The following DSCAML1 variants were observed in gnomAD, a reference collection of about 807,000 sequenced individuals.
DSCAML1 encodes cell adhesion molecule DSCAML1.
A neutral mutation model predicts 200.5 loss-of-function variants in DSCAML1; 38 were observed. The ratio of observed to expected loss-of-function variants is 0.19; its 90% CI spans 0.15 to 0.25. The LOEUF (loss-of-function observed/expected upper bound fraction) is 0.25, where lower values mean the gene tolerates loss of function less well. Ranked by LOEUF, DSCAML1 falls within the 10% of genes least tolerant of loss-of-function variation. DSCAML1 has a pLI of 1.00. For synonymous variants in DSCAML1, 1,215 were observed against 1,165.0 expected, an observed-to-expected ratio of 1.04 and a Z score of -0.87; for missense variants, 2,223 against 2,858.8, an observed-to-expected ratio of 0.78 and a Z score of 5.07.
chr11:117,465,213 G>C, intron 16 of DSCAML1, 31 bp from the exon 17 acceptor site: 1 of 1,607,842 alleles, frequency 6.2e-7, no homozygotes, highest in South Asian at 1.1e-5. Flanking sequence ...TGGGCACAAA[G>C]AAATGGCAAC....
intron 14 of DSCAML1, among the ~76,000 whole-genome samples, chr11:117,478,528 C>G (rs976314605): frequency 6.6e-6 from 1 of 152,220 alleles, no homozygotes; most frequent in African/African-American, 2.4e-5. Context: ...TTCTTCCACT[C>G]ACATTCATTC....
chr11:117,523,249 G>A (rs1004663545), intron 5 of DSCAML1, among the ~76,000 whole-genome samples: 1 of 152,118 alleles, frequency 6.6e-6, no homozygotes, highest in African/African-American at 2.4e-5. Context: ...GGATTTGAGG[G>A]TGTGTTGCCC....
rs533948278 is a variant in DSCAML1 at position 117,675,470 on chromosome 11, A to ATTTTTTT, written c.511+101314_511+101320dup. On this transcript the variant is annotated intron_variant, in intron 3 of 32. Transcript: ENST00000651296. ...GTGCCCCTATGCCTGGCTGATTGAA[A>ATTTTTTT]TTTTTTTTTTTTTTTTTTTTTTTTT... 2.2e-3 allele frequency among the ~76,000 whole-genome samples: 216 copies of ATTTTTTT among 96,922 alleles called. 1 individual carries two copies. The highest frequency in any genetic ancestry group is 0.013 in the East Asian group (40 of 3,002). 63.6% of individuals were successfully genotyped at this position (96,922 alleles called of 152,430 possible). A position where few individuals can be genotyped will look rare whatever the true frequency, so the allele number is the denominator to read the frequency against.
At chr11:117,662,296 G>T (rs549238917) in intron 3 of DSCAML1, among the ~76,000 whole-genome samples, 1 of 152,196 alleles carries the variant, frequency 6.6e-6, no homozygotes, top group Non-Finnish European at 1.5e-5. Context: ...CTAGGCAAAC[G>T]CTCCCTTTCA....
intron 3 of DSCAML1, among the ~76,000 whole-genome samples, chr11:117,589,122 G>A (rs879728051): frequency 1.3e-5 from 2 of 152,176 alleles, no homozygotes; most frequent in Non-Finnish European, 2.9e-5. Flanking sequence ...TGGGACTGGT[G>A]GCCTCTTCCT....
At chr11:117,575,959 A>G (rs2050927099) in intron 3 of DSCAML1, among the ~76,000 whole-genome samples, 1 of 152,222 alleles carries the variant, frequency 6.6e-6, no homozygotes, top group Admixed American at 6.5e-5. Context: ...TGCGCTACAG[A>G]ATAGAGAGGA....
intron 3 of DSCAML1, among the ~76,000 whole-genome samples, chr11:117,565,707 T>G (rs578193791): frequency 1.3e-5 from 2 of 152,254 alleles, no homozygotes; most frequent in African/African-American, 4.8e-5. Flanking sequence ...TTTTTGGTGT[T>G]TTTTTCCCCC....
intron 8 of DSCAML1, among the ~76,000 whole-genome samples, chr11:117,511,179 G>A (rs1565752338): frequency 1.3e-5 from 2 of 152,196 alleles, no homozygotes; most frequent in Non-Finnish European, 2.9e-5. Context: ...TAGGGAGGGA[G>A]GAGGGAACAT....
chr11:117,706,854 TCACGAAC>T (rs1171495162), intron 3 of DSCAML1, among the ~76,000 whole-genome samples: 1 of 152,200 alleles, frequency 6.6e-6, no homozygotes, highest in East Asian at 1.9e-4. Flanking sequence ...CTTAAGGAGT[TCACGAAC>T]CACAGGTTAA....
At chr11:117,630,125 G>A (rs1013233579) in intron 3 of DSCAML1, among the ~76,000 whole-genome samples, 2 of 152,148 alleles carry the variant, frequency 1.3e-5, no homozygotes, top group East Asian at 1.9e-4. Flanking sequence ...GAGAAAGCGC[G>A]AGATGTCACC....
chr11:117,669,372 C>A (rs1012428386), intron 3 of DSCAML1, among the ~76,000 whole-genome samples: 1 of 152,202 alleles, frequency 6.6e-6, no homozygotes, highest in Non-Finnish European at 1.5e-5. Flanking sequence ...TGGCACCTTG[C>A]CTTGGGAGAC....
intron 3 of DSCAML1, among the ~76,000 whole-genome samples, chr11:117,560,414 T>A (rs1473282580): frequency 6.6e-6 from 1 of 152,194 alleles, no homozygotes; most frequent in Non-Finnish European, 1.5e-5. Context: ...TATTTTACAC[T>A]GGTGCTTTCA....
At chr11:117,530,406 CCATA>C (rs1277861787) in intron 4 of DSCAML1, among the ~76,000 whole-genome samples, 1 of 152,146 alleles carries the variant, frequency 6.6e-6, no homozygotes, top group African/African-American at 2.4e-5. Context: ...ATGCAAAACA[CCATA>C]CACACAAGTC....
chr11:117,758,494 C>T (rs1033613405), intron 3 of DSCAML1, among the ~76,000 whole-genome samples: 5 of 151,222 alleles, frequency 3.3e-5, no homozygotes, highest in South Asian at 2.1e-4. Flanking sequence ...CTCTGCCTCC[C>T]GGGTTCACGC....
intron 1 of DSCAML1, among the ~76,000 whole-genome samples, chr11:117,783,594 GTTA>G (rs113585003): frequency 2.6e-4 from 39 of 152,142 alleles, no homozygotes; most frequent in South Asian, 4.2e-4. Context: ...CCTCGGGGGT[GTTA>G]TTATTATTAT....
At chr11:117,638,063 T>A (rs2052327696) in intron 3 of DSCAML1, among the ~76,000 whole-genome samples, 1 of 152,130 alleles carries the variant, frequency 6.6e-6, no homozygotes. Flanking sequence ...CTTTTCCCTG[T>A]GGCTTTCTTC....
intron 3 of DSCAML1, among the ~76,000 whole-genome samples, chr11:117,612,474 G>A (rs2051716588): frequency 6.6e-6 from 1 of 152,014 alleles, no homozygotes; most frequent in African/African-American, 2.4e-5. Flanking sequence ...ACTAGTCCCT[G>A]CTGTGGATCA....
intron 3 of DSCAML1, among the ~76,000 whole-genome samples, chr11:117,602,918 G>A (rs879545552): frequency 2.0e-5 from 3 of 151,890 alleles, no homozygotes; most frequent in Admixed American, 2.0e-4. Flanking sequence ...GGGCAACATG[G>A]CGAAACCCCG....
chr11:117,683,603 C>T (rs2053348288), intron 3 of DSCAML1, among the ~76,000 whole-genome samples: 1 of 152,232 alleles, frequency 6.6e-6, no homozygotes, highest in Non-Finnish European at 1.5e-5. Flanking sequence ...AGGCCTTCTG[C>T]TTCCAGGCTT....
Sources: gnomAD v4.1 joint callset for allele counts (sites outside exome capture counted in the v4.1 genomes callset) on GRCh38, gnomAD v4.1.1 for gene constraint, MANE v1.5 for transcripts, NCBI Gene and HGNC (gene_info 2026-07-23, HGNC 2026-07-21) for gene names.